NDRG3: variants seen among roughly 807,000 people sequenced by gnomAD.
NDRG3 encodes NDRG family member 3.
In NDRG3, 23 loss-of-function variants were observed where a neutral mutation model predicts 57.2. That is an observed-to-expected ratio of 0.40 (90% CI 0.29 to 0.57). The LOEUF is 0.57. Among genes scored for constraint, NDRG3 ranks in the 20% least tolerant of loss-of-function variants. The pLI, the probability that NDRG3 is intolerant of heterozygous loss-of-function variation, is 0.42. For synonymous variants in NDRG3, 132 were observed against 162.6 expected (o/e 0.81, Z 1.43); for missense variants, 384 against 457.3 (o/e 0.84, Z 1.46).
At chr20:36,715,589 A>C (rs1162243212) in intron 2 of NDRG3, among the ~76,000 whole-genome samples, 2 of 140,606 alleles carry the variant, frequency 1.4e-5, no homozygotes, top group East Asian at 4.4e-4. Context: ...AGGCCGAGGC[A>C]GGAGGATTGC....
At chr20:36,685,261 AGGC>A (rs1441109820) in intron 5 of NDRG3, among the ~76,000 whole-genome samples, 7 of 152,018 alleles carry the variant, frequency 4.6e-5, no homozygotes, top group Non-Finnish European at 7.4e-5. Flanking sequence ...TGTTTCACTT[AGGC>A]ATAGAATAAC....
rs532490524 is a variant in NDRG3 at position 36,712,393 on chromosome 20, C to CTT, written c.58-5388_58-5387dup. Among the ~76,000 whole-genome samples, 80 of 124,270 alleles carry CTT rather than the reference C, an allele frequency of 6.4e-4. 2 individuals carry two copies. Among genetic ancestry groups the CTT allele is most frequent in the African/African-American group, 4.5e-4 (14 of 31,380 alleles). 81.5% of individuals were successfully genotyped at this position (124,270 alleles called of 152,430 possible). ...TAGAGACTTGTTTCTTTTTCTTTTT[C>CTT]TTTTTTTTTTTTTTTTTCCTGAGAT... On this transcript the variant is annotated intron_variant, in intron 2 of 15. Coordinates refer to ENST00000349004, the MANE Select transcript of NDRG3 (RefSeq NM_032013.4).
chr20:36,653,660 G>A lies in NDRG3; in HGVS notation c.988C>T (p.His330Tyr). The change falls in exon 16 of 16, where the codon CAC (histidine) becomes TAC (tyrosine). Residue 330 changes from histidine to tyrosine, a missense_variant. Coordinates refer to ENST00000349004, the MANE Select transcript of NDRG3 (RefSeq NM_032013.4). This position sits in a 1 kb window ranked among gnomAD's most constrained non-coding sequence, Gnocchi z 4.2. ...GAGCCGAGGCTACTCGAGGTTGAGTGGGTTCGTGATCGGGCGAGCCGAGTC... is the reference window on the plus strand; with the variant it reads ...GAGCCGAGGCTACTCGAGGTTGAGTAGGTTCGTGATCGGGCGAGCCGAGTC... ...SMTRLARSRT[H>Y]STSSSLGSGE... 6.2e-7 allele frequency: 1 copy of A among 1,614,094 alleles called. No homozygotes were observed. Among genetic ancestry groups the A allele is most frequent in the South Asian group, 1.1e-5 (1 of 91,088 alleles).
intron 1 of NDRG3, among the ~76,000 whole-genome samples, chr20:36,724,291 C>T (rs1369498058): frequency 2.6e-5 from 4 of 152,178 alleles, no homozygotes; most frequent in Non-Finnish European, 4.4e-5. Flanking sequence ...GTGTGAACCA[C>T]CTAGAGACCA....
At chr20:36,658,313 G>T (rs1323853636) in intron 13 of NDRG3, among the ~76,000 whole-genome samples, 1 of 152,082 alleles carries the variant, frequency 6.6e-6, no homozygotes, top group Non-Finnish European at 1.5e-5. Context: ...TGTATTTTTA[G>T]TAGAGATGAG....
At chr20:36,744,188 CGCA>C (rs1444477850) in intron 1 of NDRG3, among the ~76,000 whole-genome samples, 1 of 152,126 alleles carries the variant, frequency 6.6e-6, no homozygotes, top group African/African-American at 2.4e-5. Flanking sequence ...AGGCGTGAGC[CGCA>C]GCGCCCGGTC....
chr20:36,684,531 T>C, intron 5 of NDRG3, 56 bp from the exon 6 acceptor site: 4 of 1,473,512 alleles, frequency 2.7e-6, no homozygotes, highest in Non-Finnish European at 2.8e-6. Context: ...TCCCAGTTGC[T>C]AGAACAGCTG....
intron 12 of NDRG3, among the ~76,000 whole-genome samples, chr20:36,663,488 T>G (rs989753041): frequency 1.3e-5 from 2 of 152,232 alleles, no homozygotes; most frequent in Admixed American, 6.5e-5. Flanking sequence ...TAATTAGACA[T>G]ATGAAGAACT....
At chr20:36,740,416 G>T (rs1195400825) in intron 1 of NDRG3, among the ~76,000 whole-genome samples, 1 of 151,688 alleles carries the variant, frequency 6.6e-6, no homozygotes, top group East Asian at 1.9e-4. Context: ...GTGTGATCTC[G>T]GCTCACCACA....
At chr20:36,719,970 C>T (rs151026938) in intron 2 of NDRG3, among the ~76,000 whole-genome samples, 2,148 of 151,266 alleles carry the variant, frequency 0.014, 20 homozygotes, top group Non-Finnish European at 0.023. Flanking sequence ...CAAAAATTAG[C>T]CAGGTGCACG....
chr20:36,721,478 G>A (rs1469626350), intron 2 of NDRG3, among the ~76,000 whole-genome samples: 3 of 151,542 alleles, frequency 2.0e-5, no homozygotes, highest in African/African-American at 7.3e-5. Flanking sequence ...GCAGTGAGCC[G>A]AGATTGCACC....
chr20:36,660,900 C>G (rs1018991568), intron 12 of NDRG3, among the ~76,000 whole-genome samples: 1 of 152,170 alleles, frequency 6.6e-6, no homozygotes, highest in Non-Finnish European at 1.5e-5. Flanking sequence ...TATTTCTGAG[C>G]AGATCTAAAA....
intron 2 of NDRG3, among the ~76,000 whole-genome samples, chr20:36,720,088 CAG>C (rs1984507142): frequency 6.8e-6 from 1 of 147,174 alleles, no homozygotes; most frequent in Non-Finnish European, 1.5e-5. Flanking sequence ...GCCTGGGTGA[CAG>C]AGTGAGACTC....
intron 2 of NDRG3, among the ~76,000 whole-genome samples, chr20:36,709,571 G>A (rs894051544): frequency 6.6e-6 from 1 of 152,176 alleles, no homozygotes; most frequent in Non-Finnish European, 1.5e-5. Flanking sequence ...ACATTTCCAA[G>A]GAATGTTGCT....
At chr20:36,676,474 G>GT (rs1056126103) in intron 8 of NDRG3, among the ~76,000 whole-genome samples, 6 of 151,762 alleles carry the variant, frequency 4.0e-5, no homozygotes, top group East Asian at 1.9e-4. Flanking sequence ...GTTTTGTTTT[G>GT]TTTTTTTGAG....
At chr20:36,687,322 A>G (rs542092930) in intron 5 of NDRG3, among the ~76,000 whole-genome samples, 170 bp downstream of exon 5, 26 of 152,228 alleles carry the variant, frequency 1.7e-4, no homozygotes, top group Non-Finnish European at 3.1e-4. Flanking sequence ...AAAACTGTAC[A>G]TAACAGTCCT....
chr20:36,699,948 C>T (rs1051150383), intron 3 of NDRG3, among the ~76,000 whole-genome samples: 7 of 151,630 alleles, frequency 4.6e-5, no homozygotes, highest in African/African-American at 1.5e-4. Context: ...TGGTGAAACC[C>T]GTCTCTACTA....
At chr20:36,707,482 G>T (rs1031109545) in intron 2 of NDRG3, among the ~76,000 whole-genome samples, 4 of 152,174 alleles carry the variant, frequency 2.6e-5, no homozygotes, top group Admixed American at 2.0e-4. Flanking sequence ...GGATGGATCA[G>T]AAATGAAAGC....
intron 1 of NDRG3, among the ~76,000 whole-genome samples, chr20:36,732,739 T>A (rs1047164379): frequency 2.0e-5 from 3 of 152,048 alleles, no homozygotes; most frequent in Non-Finnish European, 4.4e-5. Context: ...ACTCAGCAAA[T>A]AAGCAGGAGG....
Sources: allele counts gnomAD v4.1 joint callset (sites outside exome capture counted in the v4.1 genomes callset), GRCh38; gene constraint gnomAD v4.1.1; non-coding constraint Gnocchi (gnomAD v3.1); transcripts MANE v1.5; gene names NCBI Gene and HGNC (gene_info 2026-07-23, HGNC 2026-07-21).